TCERG1: variants seen among roughly 807,000 people sequenced by gnomAD.
The protein encoded by TCERG1 is TATA box binding protein (TBP)-associated factor, RNA polymerase II, S, 150kD.
In TCERG1, 37 loss-of-function variants were observed where a neutral mutation model predicts 144.7. The observed-to-expected ratio is 0.26, with a 90% CI of 0.20 to 0.34. The LOEUF is 0.34. TCERG1 is among the 10% of genes least tolerant of loss of function. The probability of loss-of-function intolerance (pLI) is 1.00; values close to 1 mark genes in which losing one functional copy is unlikely to be tolerated. For missense variants in TCERG1, 1,027 were observed against 1,380.7 expected (o/e 0.74, Z 4.06); for synonymous variants, 492 against 458.2 (o/e 1.07, Z -0.94).
Position 146,483,612 on chromosome 5 carries a change from C to G in TCERG1, c.2146C>G (p.Pro716Ala), listed in dbSNP as rs1258985168. ...VFDPRYLLLN[P>A]KERKQVFDQY... ...TGATCCCCGGTACTTACTTCTCAAT[C>G]CTAAAGAGAGAAAACAGGTAAAAGG... The change falls in exon 15 of 23, where the codon CCT becomes GCT. Residue 716 changes from proline to alanine, a missense_variant. This residue lies in a region of TCERG1 where 482 missense variants were observed against 632.6 expected (regional missense o/e 0.76). Transcript: ENST00000679501. 1 of 1,610,064 alleles carries G rather than the reference C, an allele frequency of 6.2e-7. No homozygotes were observed. Among genetic ancestry groups the G allele is most frequent in the Non-Finnish European group, 8.5e-7 (1 of 1,178,010 alleles).
chr5:146,489,322 T>A (rs895442426), intron 15 of TCERG1, among the ~76,000 whole-genome samples: 3 of 152,162 alleles, frequency 2.0e-5, no homozygotes, highest in Admixed American at 6.5e-5. Flanking sequence ...AGTAACCCCA[T>A]GAATATGTAC....
At position 146,507,843 on chromosome 5, in the gene TCERG1, T is replaced by C. The variant is rs947714774; in HGVS notation, c.2962-30T>C. 1 of 1,526,176 alleles carries C rather than the reference T, an allele frequency of 6.6e-7. No homozygotes were observed. Among genetic ancestry groups the C allele is most frequent in the African/African-American group, 1.4e-5 (1 of 72,854 alleles). The allele number at this position is 1,526,176 out of a possible 1,614,324, so 94.5% of individuals were successfully genotyped here. A position where few individuals can be genotyped will look rare whatever the true frequency, so the allele number is the denominator to read the frequency against. On this transcript the variant is annotated intron_variant, in intron 20 of 22. Coordinates refer to ENST00000679501, the MANE Select transcript of TCERG1 (RefSeq NM_001382548.1). This position sits in a 1 kb window ranked among gnomAD's most constrained non-coding sequence, Gnocchi z 4.6. ...ACTCCCTAAGTAAAAGTGAGTTGTA[T>C]TTATGTTTTTTATTCATGTCTTTTC...
chr5:146,449,971 CTG>C (rs890522168), intron 1 of TCERG1, among the ~76,000 whole-genome samples: 4 of 152,174 alleles, frequency 2.6e-5, no homozygotes, highest in Non-Finnish European at 5.9e-5. Context: ...ATCATTTCCT[CTG>C]TAAAAATGGT....
intron 9 of TCERG1, 161 bp from the exon 10 acceptor site, chr5:146,478,332 C>T: frequency 1.6e-6 from 1 of 634,290 alleles, no homozygotes. Flanking sequence ...ATTCAGTTAT[C>T]TTGTAAAAAC....
At chr5:146,504,198 C>A (rs960268667) in intron 19 of TCERG1, 192 bp downstream of exon 19, 1 of 460,452 alleles carries the variant, frequency 2.2e-6, no homozygotes, top group Non-Finnish European at 3.6e-6. Context: ...TCAACAAATT[C>A]AGAAGTTAGG....
At chr5:146,506,182 G>A (rs567044409) in intron 19 of TCERG1, among the ~76,000 whole-genome samples, 65 of 152,222 alleles carry the variant, frequency 4.3e-4, no homozygotes, top group African/African-American at 1.3e-3. Flanking sequence ...TTAGATGCTT[G>A]GTAAGTGTTG....
At chr5:146,482,776 A>G in intron 14 of TCERG1, 49 bp downstream of exon 14, 1 of 1,529,554 alleles carries the variant, frequency 6.5e-7, no homozygotes, top group Non-Finnish European at 8.8e-7. Context: ...TATAAGTAAT[A>G]TAAATATGTC....
At position 146,471,515 on chromosome 5, in the gene TCERG1, G is replaced by A; in HGVS notation, c.1540G>A (p.Glu514Lys). 6.2e-7 allele frequency: 1 copy of A among 1,613,608 alleles called. No individual in the cohort carries two copies. Among genetic ancestry groups the A allele is most frequent in the Non-Finnish European group, 8.5e-7 (1 of 1,179,746 alleles). Residue 514 changes from glutamate (E) to lysine (K), a missense_variant, in exon 9 of 23, where the codon GAA becomes AAA. By Grantham distance (56) the Glu-to-Lys change is moderately conservative. Coordinates refer to ENST00000679501, the MANE Select transcript of TCERG1 (RefSeq NM_001382548.1). ...EEPKEEEMTEEEKAAQKAKPV... is the reference protein window; with the variant it reads ...EEPKEEEMTEKEKAAQKAKPV... Reference sequence around the variant, plus strand: ...GCCCAAAGAAGAGGAGATGACTGAAGAAGAAAAGGCTGCCCAGAAGGCAAA... The same window carrying A: ...GCCCAAAGAAGAGGAGATGACTGAAAAAGAAAAGGCTGCCCAGAAGGCAAA...
chr5:146,478,625 A>T lies in TCERG1; in HGVS notation c.1734A>T (p.Lys578Asn), dbSNP rs1765063917. ...VDKIIQEPPH[K>N]KGMEELKKLR... is the part of the protein sequence containing the mutation. ...AAATTATTCAGGAGCCCCCTCATAA[A>T]AAAGGAATGGAGGAATTGAAGAAAC... The change falls in exon 10 of 23, where the codon AAA becomes AAT. Residue 578 changes from lysine to asparagine, a missense_variant. Around this residue, in one of 6 missense-constraint regions of TCERG1, gnomAD observed 482 missense variants for 632.6 expected, o/e 0.76. Transcript: ENST00000679501. The T allele has an allele frequency of 1.2e-6, 2 of 1,602,636 alleles. No homozygotes were observed. Among genetic ancestry groups the T allele is most frequent in the African/African-American group, 2.7e-5 (2 of 74,236 alleles).
chr5:146,451,092 GA>G (rs1417785629), intron 1 of TCERG1, among the ~76,000 whole-genome samples: 1 of 152,164 alleles, frequency 6.6e-6, no homozygotes, highest in African/African-American at 2.4e-5. Context: ...AAATTGTACA[GA>G]AATGAATACT....
chr5:146,467,207 A>G (rs548490516), intron 5 of TCERG1, among the ~76,000 whole-genome samples: 2 of 152,258 alleles, frequency 1.3e-5, no homozygotes, highest in East Asian at 3.9e-4. Flanking sequence ...GCTTGTGTGA[A>G]CATAGTTAAA....
chr5:146,459,291 C>T lies in TCERG1; in HGVS notation c.846C>T (p.Thr282=), dbSNP rs200533952. 653 of 1,614,246 alleles carry T rather than the reference C, an allele frequency of 4.0e-4. 13 individuals carry two copies. The South Asian group carries it at 6.6e-3, about 16-fold the overall frequency. ...CATCATCATCCACCCCTTCCTCTAC[C>T]ACTTCTACCACAACAACTGCTACTT... ...TSTSSSTPSS[T]TSTTTTATSV... is the part of the protein sequence containing the mutation. The change falls in exon 4 of 23, where the codon ACC becomes ACT. Residue 282 remains threonine, a synonymous_variant. Transcript: ENST00000679501.
chr5:146,477,886 A>G (rs1415640902), intron 9 of TCERG1, among the ~76,000 whole-genome samples: 1 of 151,730 alleles, frequency 6.6e-6, no homozygotes, highest in Non-Finnish European at 1.5e-5. Context: ...TATTTTTTGT[A>G]GAGATGGCCT....
chr5:146,510,706 T>A lies in TCERG1; in HGVS notation c.*64T>A. ...CTTGCATGAGCCAATTTTCAGGTTT[T>A]TACATATATGTGCATTAGTCAACCT... On this transcript the variant is annotated 3_prime_UTR_variant, in exon 23 of 23. Transcript: ENST00000679501. 6.5e-7 allele frequency: 1 copy of A among 1,531,092 alleles called. No individual in the cohort carries two copies. The highest frequency in any genetic ancestry group is 1.2e-5 in the South Asian group (1 of 82,906). 94.8% of individuals were successfully genotyped at this position (1,531,092 alleles called of 1,614,324 possible).
At position 146,487,933 on chromosome 5, in the gene TCERG1, C is replaced by G. The variant is rs373658786; in HGVS notation, c.2163+4304C>G. Among the ~76,000 whole-genome samples, 198 of 152,132 alleles carry G rather than the reference C, an allele frequency of 1.3e-3. 1 individual carries two copies. The highest frequency in any genetic ancestry group is 4.5e-3 in the African/African-American group (186 of 41,524). ...GACCAAAGGAACAGAATAGGGAACT[C>G]AGAAATTAATCCATATATCTATAGG... On this transcript the variant is annotated intron_variant, in intron 15 of 22. Transcript: ENST00000679501.
chr5:146,508,725 A>G (rs1768211614), intron 21 of TCERG1, among the ~76,000 whole-genome samples: 1 of 152,242 alleles, frequency 6.6e-6, no homozygotes, highest in Admixed American at 6.5e-5. Context: ...GTTAACCTAC[A>G]GTTGCTGTAT....
intron 16 of TCERG1, among the ~76,000 whole-genome samples, chr5:146,494,935 A>T (rs931193852): frequency 3.9e-5 from 6 of 152,158 alleles, no homozygotes; most frequent in African/African-American, 1.4e-4. Flanking sequence ...TGTTTGTTTT[A>T]AAGTAGTTTT....
chr5:146,462,922 T>A (rs1025479), intron 4 of TCERG1, among the ~76,000 whole-genome samples: 146,427 of 152,298 alleles, frequency 0.96, 70,424 homozygotes, highest in East Asian at 1. Flanking sequence ...AAAGAGGCAT[T>A]CACAGAGGGT....
At chr5:146,487,178 A>C (rs925569039) in intron 15 of TCERG1, among the ~76,000 whole-genome samples, 4 of 152,228 alleles carry the variant, frequency 2.6e-5, no homozygotes, top group African/African-American at 9.6e-5. Context: ...GAACTAGCTG[A>C]AAAAGAAATC....
Sources: gnomAD v4.1 joint callset for allele counts (sites outside exome capture counted in the v4.1 genomes callset) on GRCh38, gnomAD v4.1.1 for gene constraint, gnomAD v4.1.1 regional missense constraint, Gnocchi (gnomAD v3.1) non-coding constraint, MANE v1.5 for transcripts, NCBI Gene and HGNC (gene_info 2026-07-23, HGNC 2026-07-21) for gene names.